The following UBP1 variants were observed in gnomAD, a reference collection of about 807,000 sequenced individuals.
UBP1 encodes the protein upstream-binding protein 1.
In UBP1, 22 loss-of-function variants were observed where a neutral mutation model predicts 76.1. That is an observed-to-expected ratio of 0.29 (90% CI 0.21 to 0.41). The LOEUF is 0.41. Among genes scored for constraint, UBP1 ranks in the 10% least tolerant of loss-of-function variants. UBP1 has a pLI of 1.00. For synonymous variants in UBP1, 224 were observed against 237.1 expected (o/e 0.94, Z 0.51); for missense variants, 436 against 668.1 (o/e 0.65, Z 3.83).
intron 10 of UBP1, among the ~76,000 whole-genome samples, chr3:33,400,614 A>G (rs1247491170): frequency 6.6e-6 from 1 of 152,224 alleles, no homozygotes; most frequent in Non-Finnish European, 1.5e-5. Context: ...GGGAACTAAA[A>G]AAATTTGAAC....
At chr3:33,413,402 C>A (rs112568155) in intron 3 of UBP1, among the ~76,000 whole-genome samples, 2,081 of 151,908 alleles carry the variant, frequency 0.014, 20 homozygotes, top group South Asian at 0.026. Flanking sequence ...AAAAAATTAG[C>A]CAGGCATGGT....
intron 1 of UBP1, among the ~76,000 whole-genome samples, chr3:33,433,670 T>G (rs1313420547): frequency 6.6e-6 from 1 of 150,442 alleles, no homozygotes; most frequent in Non-Finnish European, 1.5e-5. Flanking sequence ...AAAAAGACTC[T>G]ACCACCAAAG....
In UBP1 at chr3:33,439,919, G is replaced by C. The variant is rs945533425; in HGVS notation, c.-71C>G. On this transcript the variant is annotated 5_prime_UTR_variant, in exon 1 of 16. Coordinates refer to ENST00000283629, the MANE Select transcript of UBP1 (RefSeq NM_014517.5). Reference sequence around the variant, plus strand: ...GGGCGAAGGAGCCGGAGCTCCGCTGGCGCGTCCTGGGGGAGGGCGCGGGTG... The same window carrying C: ...GGGCGAAGGAGCCGGAGCTCCGCTGCCGCGTCCTGGGGGAGGGCGCGGGTG... 23 of 1,566,084 alleles carry C rather than the reference G, an allele frequency of 1.5e-5. No individual in the cohort carries two copies. In the Admixed American group the frequency reaches 2.4e-4, roughly 17 times the overall value.
At chr3:33,401,733 T>C (rs2044236235) in intron 9 of UBP1, among the ~76,000 whole-genome samples, 1 of 152,188 alleles carries the variant, frequency 6.6e-6, no homozygotes, top group Admixed American at 6.5e-5. Context: ...CACTAATGTA[T>C]CAGAACACTT....
intron 14 of UBP1, 44 bp from the exon 15 acceptor site, chr3:33,392,658 T>C: frequency 6.5e-7 from 1 of 1,538,214 alleles, no homozygotes; most frequent in Non-Finnish European, 8.9e-7. Context: ...AAGATCCAAC[T>C]GTCGTTTCTT....
intron 5 of UBP1, 65 bp from the exon 6 acceptor site, chr3:33,409,666 C>G (rs1559679786): frequency 6.2e-7 from 1 of 1,600,022 alleles, no homozygotes; most frequent in Non-Finnish European, 8.6e-7. Flanking sequence ...CTATTTTGTT[C>G]CCTCTTGAGT....
intron 8 of UBP1, 105 bp downstream of exon 8, chr3:33,408,585 G>T: frequency 1.3e-6 from 1 of 785,506 alleles, no homozygotes. Context: ...TCAAGACATG[G>T]ACATCAAAAA....
chr3:33,419,234 C>T (rs1253406022), intron 2 of UBP1, among the ~76,000 whole-genome samples: 3 of 152,102 alleles, frequency 2.0e-5, no homozygotes, highest in Admixed American at 6.6e-5. Context: ...GTGGCTCACA[C>T]CTGTAATCCT....
intron 2 of UBP1, among the ~76,000 whole-genome samples, chr3:33,423,184 T>C (rs931775501): frequency 1.3e-5 from 2 of 151,788 alleles, no homozygotes; most frequent in Non-Finnish European, 2.9e-5. Flanking sequence ...GGACTACAGG[T>C]GTGTGCCACC....
chr3:33,393,110 TTTTCC>T, intron 14 of UBP1, 197 bp downstream of exon 14: 1 of 559,808 alleles, frequency 1.8e-6, no homozygotes, highest in Non-Finnish European at 2.9e-6. Flanking sequence ...GCTAAGCCAG[TTTTCC>T]TTGGCTTGTA....
chr3:33,399,165 T>C (rs2044124782), intron 11 of UBP1, among the ~76,000 whole-genome samples: 1 of 152,250 alleles, frequency 6.6e-6, no homozygotes, highest in African/African-American at 2.4e-5. Flanking sequence ...GGTGAAGGAA[T>C]GCTAACTACC....
chr3:33,411,674 A>G lies in UBP1; in HGVS notation c.462T>C (p.Ser154=). Residue 154 remains serine, a synonymous_variant, in exon 5 of 16, where the codon TCT becomes TCC. Transcript: ENST00000283629. ...TCGTCCTTGTGTCAATTATTCCCAC[A>G]GACATTGGAATATCTATGTTTTAAA... ...DRLLDLDIPM[S]VGIIDTRTNP... is the part of the protein sequence containing the mutation. 6.2e-7 allele frequency: 1 copy of G among 1,613,840 alleles called. No individual in the cohort carries two copies. Among genetic ancestry groups the G allele is most frequent in the Non-Finnish European group, 8.5e-7 (1 of 1,179,748 alleles).
At chr3:33,394,450 G>C (rs945120491) in intron 13 of UBP1, among the ~76,000 whole-genome samples, 3 of 152,024 alleles carry the variant, frequency 2.0e-5, no homozygotes, top group African/African-American at 7.2e-5. Context: ...TTAAATAAAA[G>C]ATACTATATG....
chr3:33,437,224 T>C (rs1419387583), intron 1 of UBP1, among the ~76,000 whole-genome samples: 3 of 151,358 alleles, frequency 2.0e-5, no homozygotes, highest in African/African-American at 7.3e-5. Context: ...TACACAAACA[T>C]ATTTTTCCTA....
intron 9 of UBP1, among the ~76,000 whole-genome samples, chr3:33,401,244 T>C (rs748473443): frequency 6.6e-6 from 1 of 152,206 alleles, no homozygotes; most frequent in Non-Finnish European, 1.5e-5. Context: ...CTTCTTCATC[T>C]GTACTAGTAA....
chr3:33,413,430 C>T (rs1285182460), intron 3 of UBP1, among the ~76,000 whole-genome samples: 1 of 151,580 alleles, frequency 6.6e-6, no homozygotes, highest in African/African-American at 2.4e-5. Flanking sequence ...GCCTGTAGTA[C>T]CAGCTACTTG....
Position 33,400,169 on chromosome 3 carries a change from A to T in UBP1, c.1180+20T>A, listed in dbSNP as rs776906069. 1.4e-6 allele frequency: 2 copies of T among 1,427,752 alleles called. No individual in the cohort carries two copies. Among genetic ancestry groups the T allele is most frequent in the Non-Finnish European group, 1.9e-6 (2 of 1,062,572 alleles). 88.4% of individuals were successfully genotyped at this position (1,427,752 alleles called of 1,614,324 possible). ...AAACAAAACATTCTCATGCACAGAT[A>T]CACACACACATACACATACCTGAAA... On this transcript the variant is annotated intron_variant, in intron 11 of 15. Transcript: ENST00000283629.
chr3:33,393,179 TG>T, intron 14 of UBP1, 132 bp downstream of exon 14: 1 of 992,954 alleles, frequency 1.0e-6, no homozygotes, highest in Non-Finnish European at 1.4e-6. Flanking sequence ...TCTTCCAAAG[TG>T]ATTCCCAACT....
intron 11 of UBP1, chr3:33,398,580 A>G (rs1202527445): frequency 6.6e-6 from 1 of 152,298 alleles, no homozygotes; most frequent in African/African-American, 2.4e-5. Context: ...TCACCATGCT[A>G]CTGTCAGTGC....
Sources: gnomAD v4.1 joint callset for allele counts (sites outside exome capture counted in the v4.1 genomes callset) on GRCh38, gnomAD v4.1.1 for gene constraint, MANE v1.5 for transcripts, NCBI Gene and HGNC (gene_info 2026-07-23, HGNC 2026-07-21) for gene names.